ARHGEF10: variants seen among roughly 807,000 people sequenced by gnomAD.
ARHGEF10 encodes Rho guanine nucleotide exchange factor (GEF) 10.
In ARHGEF10, 140 loss-of-function variants were observed where a neutral mutation model predicts 147.4. The observed-to-expected ratio is 0.95, with a 90% CI of 0.83 to 1.09. The LOEUF (loss-of-function observed/expected upper bound fraction) is 1.09, where lower values mean the gene tolerates loss of function less well. ARHGEF10 is among the 50% of genes least tolerant of loss of function. ARHGEF10 has a pLI of 0.00. For synonymous variants in ARHGEF10, 902 were observed against 695.8 expected (o/e 1.30, Z -4.67); for missense variants, 2,222 against 1,752.7 (o/e 1.27, Z -4.78).
intron 1 of ARHGEF10, among the ~76,000 whole-genome samples, chr8:1,839,278 AGCTG>A (rs1455744330): frequency 4.6e-5 from 5 of 109,040 alleles, no homozygotes; most frequent in African/African-American, 1.1e-4. Flanking sequence ...CTGGTGTGGA[AGCTG>A]TCTGGTGTGG....
At chr8:1,869,399 G>A (rs906592201) in intron 7 of ARHGEF10, 149 bp downstream of exon 7, 14 of 744,042 alleles carry the variant, frequency 1.9e-5, no homozygotes, top group Non-Finnish European at 3.1e-5. Flanking sequence ...GATGTGTGGT[G>A]GAATATTGGT....
At chr8:1,862,954 A>AT (rs541558394) in intron 4 of ARHGEF10, among the ~76,000 whole-genome samples, 62 of 144,886 alleles carry the variant, frequency 4.3e-4, no homozygotes, top group East Asian at 1.0e-3. Context: ...AATTTTTTGT[A>AT]TTTTTTTTTT....
At chr8:1,840,121 A>G (rs1287941699) in intron 1 of ARHGEF10, among the ~76,000 whole-genome samples, 2 of 115,000 alleles carry the variant, frequency 1.7e-5, no homozygotes, top group African/African-American at 7.5e-5. Context: ...CGGTGTGGGG[A>G]CTGTCCTGTG....
chr8:1,935,405 C>G (rs138899492), intron 26 of ARHGEF10, among the ~76,000 whole-genome samples: 158 of 152,302 alleles, frequency 1.0e-3, no homozygotes, highest in Non-Finnish European at 3.1e-4. Context: ...ACTACAGCAT[C>G]GCGCAGAGTG....
intron 18 of ARHGEF10, among the ~76,000 whole-genome samples, chr8:1,911,385 A>G (rs1263792384): frequency 6.6e-6 from 1 of 152,236 alleles, no homozygotes; most frequent in East Asian, 1.9e-4. Flanking sequence ...CCTTAAACAG[A>G]GAGCTTAAAT....
intron 8 of ARHGEF10, among the ~76,000 whole-genome samples, chr8:1,878,494 A>G (rs1460377256): frequency 6.6e-6 from 1 of 152,162 alleles, no homozygotes; most frequent in Non-Finnish European, 1.5e-5. Context: ...CTGCAATTGT[A>G]GTTTTTAACA....
At chr8:1,938,774 C>T (rs955211223) in intron 26 of ARHGEF10, among the ~76,000 whole-genome samples, 2 of 152,130 alleles carry the variant, frequency 1.3e-5, no homozygotes, top group African/African-American at 4.8e-5. Context: ...TATATCTAAA[C>T]ACAGAAAATA....
intron 1 of ARHGEF10, among the ~76,000 whole-genome samples, chr8:1,828,237 CTTG>C (rs373298594): frequency 6.6e-6 from 1 of 152,336 alleles, no homozygotes; most frequent in Non-Finnish European, 1.5e-5. Context: ...GTGCCCGTGG[CTTG>C]TTGTCCAGCT....
At position 1,929,391 on chromosome 8, in the gene ARHGEF10, C is replaced by T. The variant is rs765795976; in HGVS notation, c.3027C>T (p.Ser1009=). The T allele has an allele frequency of 6.2e-7, 1 of 1,613,248 alleles. No homozygotes were observed. Among genetic ancestry groups the T allele is most frequent in the Admixed American group, 1.7e-5 (1 of 60,004 alleles). ...TGAGCCTGGCTTGCACGTCTCAGAG[C>T]CTGTACGCTGGCCTGGTCAACGGGG... ...TVMSLACTSQ[S]LYAGLVNGAV... is the part of the protein sequence containing the mutation. The change falls in exon 25 of 29, where the codon AGC becomes AGT. Residue 1009 remains serine, a synonymous_variant. Coordinates refer to ENST00000349830, the MANE Select transcript of ARHGEF10 (RefSeq NM_014629.4).
chr8:1,941,784 G>A (rs771155005), intron 26 of ARHGEF10, among the ~76,000 whole-genome samples: 7 of 152,162 alleles, frequency 4.6e-5, no homozygotes, highest in Non-Finnish European at 8.8e-5. Flanking sequence ...GACATAGACC[G>A]GAGACCACGT....
In ARHGEF10 at chr8:1,933,829, G is replaced by A. The variant is rs773652674; in HGVS notation, c.3109G>A (p.Val1037Met). The change falls in exon 26 of 29, where the codon GTG (valine) becomes ATG (methionine). Residue 1037 changes from valine to methionine, a missense_variant. By Grantham distance (21) the Val-to-Met change is conservative (BLOSUM62 1). Coordinates refer to ENST00000349830, the MANE Select transcript of ARHGEF10 (RefSeq NM_014629.4). ...DGSWDSEPQK[V>M]IKLGVLPVRS... ...ATCCTGGGATTCAGAACCTCAAAAAGTGATCAAGTTAGGCGTCCTACCAGT... is the reference window on the plus strand; with the variant it reads ...ATCCTGGGATTCAGAACCTCAAAAAATGATCAAGTTAGGCGTCCTACCAGT... 1.9e-6 allele frequency: 3 copies of A among 1,614,066 alleles called. No individual in the cohort carries two copies. Among genetic ancestry groups the A allele is most frequent in the African/African-American group, 1.3e-5 (1 of 74,926 alleles).
chr8:1,895,233 G>C (rs1175291024), intron 13 of ARHGEF10, among the ~76,000 whole-genome samples: 1 of 152,188 alleles, frequency 6.6e-6, no homozygotes, highest in Admixed American at 6.5e-5. Context: ...TCCTCACTCC[G>C]TGTATGAATC....
At chr8:1,884,289 A>G (rs13256962) in intron 10 of ARHGEF10, among the ~76,000 whole-genome samples, 54,290 of 151,128 alleles carry the variant, frequency 0.36, 10,050 homozygotes, top group East Asian at 0.52. Flanking sequence ...CCAGCTACTC[A>G]GGAGGCTGAG....
At chr8:1,894,293 TGAGCCA>T (rs1319495034) in intron 12 of ARHGEF10, 94 bp from the exon 13 acceptor site, 4 of 1,256,256 alleles carry the variant, frequency 3.2e-6, no homozygotes, top group Non-Finnish European at 4.6e-6. Flanking sequence ...GAGGCTGCAG[TGAGCCA>T]TGATCGCACC....
Position 1,866,429 on chromosome 8 carries a change from AC to A in ARHGEF10, c.546-96del, listed in dbSNP as rs1696459025. ...CATATATATATATATTCTGACACACACACACACACACACACACACACTCTGC... is the reference window on the plus strand; with the variant it reads ...CATATATATATATATTCTGACACACAACACACACACACACACACACTCTGC... On this transcript the variant is annotated intron_variant, in intron 5 of 28. Coordinates refer to ENST00000349830, the MANE Select transcript of ARHGEF10 (RefSeq NM_014629.4). 1.5e-5 allele frequency: 13 copies of A among 838,854 alleles called. No individual in the cohort carries two copies. In the East Asian group the frequency reaches 4.3e-4, roughly 28 times the overall value. 52.0% of individuals were successfully genotyped at this position (838,854 alleles called of 1,614,324 possible).
At chr8:1,838,795 T>A (rs994443553) in intron 1 of ARHGEF10, among the ~76,000 whole-genome samples, 2 of 152,172 alleles carry the variant, frequency 1.3e-5, no homozygotes, top group African/African-American at 2.4e-5. Flanking sequence ...ACATCCAGCT[T>A]GGAAGCTGTC....
chr8:1,826,221 G>A lies in ARHGEF10; in HGVS notation c.-48+2108G>A, dbSNP rs1162273763. The A allele has an allele frequency of 8.1e-6, 10 of 1,236,858 alleles. No individual in the cohort carries two copies. The African/African-American group carries it at 8.9e-5, about 11-fold the overall frequency. The allele number at this position is 1,236,858 out of a possible 1,614,324, so 76.6% of individuals were successfully genotyped here. On this transcript the variant is annotated intron_variant, in intron 1 of 28. Coordinates refer to ENST00000349830, the MANE Select transcript of ARHGEF10 (RefSeq NM_014629.4). ...GTGAAGTGAAGTTAAAAGTTATTCA[G>A]AATAGCTTTTTATGTTTTTAAAAGT...
chr8:1,949,459 G>A (rs1043613002), intron 27 of ARHGEF10, among the ~76,000 whole-genome samples: 1 of 152,146 alleles, frequency 6.6e-6, no homozygotes, highest in Non-Finnish European at 1.5e-5. Flanking sequence ...GTGAGTTCAC[G>A]GCGCCTCAGC....
chr8:1,843,996 C>T (rs555559767), intron 2 of ARHGEF10, among the ~76,000 whole-genome samples: 13 of 152,294 alleles, frequency 8.5e-5, no homozygotes, highest in South Asian at 2.1e-4. Context: ...TGCCAGCTCG[C>T]GCTCCGGCCA....
Sources: gnomAD v4.1 joint callset for allele counts (sites outside exome capture counted in the v4.1 genomes callset) on GRCh38, gnomAD v4.1.1 for gene constraint, MANE v1.5 for transcripts, NCBI Gene and HGNC (gene_info 2026-07-23, HGNC 2026-07-21) for gene names.